ITK: variants seen among roughly 807,000 people sequenced by gnomAD.
ITK encodes tyrosine-protein kinase ITK/TSK.
In ITK, 45 loss-of-function variants were observed where a neutral mutation model predicts 87.6. The observed-to-expected ratio is 0.51, with a 90% CI of 0.40 to 0.66. The LOEUF is 0.66. Among genes scored for constraint, ITK ranks in the 30% least tolerant of loss-of-function variants. ITK has a pLI of 0.00. For synonymous variants in ITK, 303 were observed against 273.6 expected (o/e 1.11, Z -1.06); for missense variants, 605 against 766.3 (o/e 0.79, Z 2.48).
At chr5:157,221,403 C>T (rs181808465) in intron 5 of ITK, among the ~76,000 whole-genome samples, 1 of 152,210 alleles carries the variant, frequency 6.6e-6, no homozygotes, top group Non-Finnish European at 1.5e-5. Context: ...CAGCTAGGAT[C>T]TAGGCTCAGG....
At chr5:157,219,579 C>G (rs1036399937) in intron 5 of ITK, among the ~76,000 whole-genome samples, 3 of 152,198 alleles carry the variant, frequency 2.0e-5, no homozygotes, top group African/African-American at 7.2e-5. Context: ...AAAGGAAGCT[C>G]TAAATCCTCA....
intron 2 of ITK, 100 bp from the exon 3 acceptor site, chr5:157,211,187 G>T: frequency 1.0e-6 from 1 of 957,182 alleles, no homozygotes; most frequent in Non-Finnish European, 1.7e-6. Context: ...CCTATATGAC[G>T]ATAAACACCC....
intron 7 of ITK, among the ~76,000 whole-genome samples, chr5:157,230,585 G>C (rs946400119): frequency 6.6e-6 from 1 of 152,074 alleles, no homozygotes; most frequent in African/African-American, 2.4e-5. Context: ...TCAGTTCTAA[G>C]AATTTTTGAG....
chr5:157,238,176 C>T lies in ITK; in HGVS notation c.836C>T (p.Thr279Ile). 6.2e-7 allele frequency: 1 copy of T among 1,613,424 alleles called. No individual in the cohort carries two copies. The highest frequency in any genetic ancestry group is 8.5e-7 in the Non-Finnish European group (1 of 1,179,408). Residue 279 changes from threonine (T) to isoleucine (I), a missense_variant, in exon 9 of 17, where the codon ACC (threonine) becomes ATC (isoleucine). Physicochemically the swap from Thr to Ile is moderately conservative, Grantham distance 89 (BLOSUM62 -1). Coordinates refer to ENST00000422843, the MANE Select transcript of ITK (RefSeq NM_005546.4). ...GGAACATACACCGTGTCTGTTTTCA[C>T]CAAGGCTGTTGTAAGGTATGGAGCT... is the stretch of plus-strand genomic sequence containing the variant. ...TAGTYTVSVFTKAVVSENNPC... is the reference protein window; with the variant it reads ...TAGTYTVSVFIKAVVSENNPC...
At chr5:157,217,798 C>A in intron 4 of ITK, 69 bp from the exon 5 acceptor site, 2 of 1,396,722 alleles carry the variant, frequency 1.4e-6, no homozygotes, top group Non-Finnish European at 2.0e-6. Flanking sequence ...AACCCCCTGG[C>A]TGCTCACTTC....
chr5:157,224,928 T>C (rs1554101891), intron 6 of ITK, among the ~76,000 whole-genome samples: 1 of 151,886 alleles, frequency 6.6e-6, no homozygotes. Context: ...GAAGATCTTG[T>C]ATTCATGTAT....
Position 157,209,002 on chromosome 5 carries a change from A to C in ITK, c.243+9A>C, listed in dbSNP as rs757220870. The C allele has an allele frequency of 7.0e-6, 11 of 1,567,474 alleles. No individual in the cohort carries two copies. The highest frequency in any genetic ancestry group is 1.7e-5 in the Admixed American group (1 of 59,920). On this transcript the variant is annotated intron_variant, in intron 2 of 16. Coordinates refer to ENST00000422843, the MANE Select transcript of ITK (RefSeq NM_005546.4). Reference sequence around the variant, plus strand: ...ATAAATACCCGTTTCAGGTAAGTCCATCAGGTGGGTAGTTCCCCATTCCCT... The same window carrying C: ...ATAAATACCCGTTTCAGGTAAGTCCCTCAGGTGGGTAGTTCCCCATTCCCT...
At chr5:157,218,517 A>AC (rs1266627189) in intron 5 of ITK, among the ~76,000 whole-genome samples, 10 of 148,432 alleles carry the variant, frequency 6.7e-5, no homozygotes, top group Non-Finnish European at 7.5e-5. Context: ...TCCAGAAAAA[A>AC]AAAAAAAAAA....
chr5:157,252,776 CCTCCAGAGGCAGCCTGGCCTGTGG>C lies in ITK; in HGVS notation c.*100_*123del. The C allele has an allele frequency of 2.1e-6, 2 of 937,436 alleles. No homozygotes were observed. The highest frequency in any genetic ancestry group is 2.6e-5 in the South Asian group (2 of 76,948). 58.1% of individuals were successfully genotyped at this position (937,436 alleles called of 1,614,324 possible). On this transcript the variant is annotated 3_prime_UTR_variant, in exon 17 of 17. Transcript: ENST00000422843. ...TTAGAAGCTGCCACCAGCCCAGGAC[CCTCCAGAGGCAGCCTGGCCTGTGG>C]CATCAGTCCCTGAGTCACCATGGAA...
intron 7 of ITK, among the ~76,000 whole-genome samples, chr5:157,229,506 A>G (rs1201746934): frequency 6.6e-6 from 1 of 152,258 alleles, no homozygotes; most frequent in African/African-American, 2.4e-5. Flanking sequence ...ATAAGGATAT[A>G]TTAGACAAAT....
At chr5:157,232,580 A>G (rs1754679951) in intron 8 of ITK, among the ~76,000 whole-genome samples, 186 bp downstream of exon 8, 1 of 150,370 alleles carries the variant, frequency 6.7e-6, no homozygotes, top group Non-Finnish European at 1.5e-5. Flanking sequence ...ACCCTGTCAA[A>G]AGAAGAAAGA....
At chr5:157,196,981 C>T (rs1753865474) in intron 1 of ITK, among the ~76,000 whole-genome samples, 1 of 152,148 alleles carries the variant, frequency 6.6e-6, no homozygotes, top group Non-Finnish European at 1.5e-5. Flanking sequence ...TTAGTTCTTG[C>T]TCCTAATTTC....
intron 8 of ITK, among the ~76,000 whole-genome samples, chr5:157,234,586 T>C (rs1208239557): frequency 6.6e-6 from 1 of 152,124 alleles, no homozygotes; most frequent in East Asian, 1.9e-4. Flanking sequence ...TGATGGGAAT[T>C]TGGGTTGGTA....
At chr5:157,223,929 A>G (rs1342431335) in intron 6 of ITK, among the ~76,000 whole-genome samples, 1 of 152,234 alleles carries the variant, frequency 6.6e-6, no homozygotes, top group Non-Finnish European at 1.5e-5. Context: ...AACTAACAGT[A>G]GAGAGAAATA....
intron 16 of ITK, among the ~76,000 whole-genome samples, chr5:157,251,760 C>CTA (rs1308559476): frequency 6.6e-6 from 1 of 152,198 alleles, no homozygotes; most frequent in African/African-American, 2.4e-5. Flanking sequence ...GTTGAAAAGA[C>CTA]TATACCCTTT....
At chr5:157,198,697 A>G (rs1227035003) in intron 1 of ITK, among the ~76,000 whole-genome samples, 1 of 152,144 alleles carries the variant, frequency 6.6e-6, no homozygotes, top group Non-Finnish European at 1.5e-5. Context: ...GCTCATTGCA[A>G]ATTGCTCTGG....
At chr5:157,203,067 G>A (rs545699209) in intron 1 of ITK, among the ~76,000 whole-genome samples, 1 of 152,326 alleles carries the variant, frequency 6.6e-6, no homozygotes, top group East Asian at 1.9e-4. Flanking sequence ...GATGGCTCCT[G>A]TTCGACTTTT....
intron 6 of ITK, among the ~76,000 whole-genome samples, chr5:157,225,865 G>A (rs1205038814): frequency 2.0e-5 from 3 of 152,148 alleles, no homozygotes; most frequent in Non-Finnish European, 2.9e-5. Context: ...ACTTTACTTA[G>A]CACACCTAAT....
At chr5:157,224,190 A>G (rs899754649) in intron 6 of ITK, among the ~76,000 whole-genome samples, 23 of 152,080 alleles carry the variant, frequency 1.5e-4, no homozygotes, top group Non-Finnish European at 1.0e-4. Flanking sequence ...TGGCTGAAGC[A>G]TGAAAATCAC....
Sources: gnomAD v4.1 joint callset for allele counts (sites outside exome capture counted in the v4.1 genomes callset) on GRCh38, gnomAD v4.1.1 for gene constraint, MANE v1.5 for transcripts, NCBI Gene and HGNC (gene_info 2026-07-23, HGNC 2026-07-21) for gene names.